The following COL16A1 variants were observed in gnomAD, a reference collection of about 807,000 sequenced individuals.
The protein encoded by COL16A1 is collagen type XVI alpha 1 chain, also known as collagen alpha-1(XVI) chain.
COL16A1 carries 189 observed loss-of-function variants against 266.3 expected under a neutral mutation model. That is an observed-to-expected ratio of 0.71 (90% CI 0.63 to 0.80). The LOEUF is 0.80. COL16A1 is among the 30% of genes least tolerant of loss of function. The probability of loss-of-function intolerance (pLI) is 0.00; values close to 1 mark genes in which losing one functional copy is unlikely to be tolerated. For synonymous variants in COL16A1, 740 were observed against 782.3 expected (o/e 0.95, Z 0.90); for missense variants, 1,928 against 2,122.4 (o/e 0.91, Z 1.80).
chr1:31,701,794 G>A (rs1644733519), intron 2 of COL16A1, among the ~76,000 whole-genome samples: 1 of 152,182 alleles, frequency 6.6e-6, no homozygotes, highest in African/African-American at 2.4e-5. Flanking sequence ...TGTGTCCACA[G>A]GATTGGCTTA....
rs372412946 is a variant in COL16A1, at chr1:31,683,261, C to G, written c.2416-14G>C. On this transcript the variant is annotated splice_polypyrimidine_tract_variant and intron_variant, in intron 35 of 70. Coordinates refer to ENST00000373672, the MANE Select transcript of COL16A1 (RefSeq NM_001856.4). ...TCCCGGAAGTCCCTGCAGATGGAAG[C>G]ACAGTTAGTTAACCCATATCCTAGA... 12 of 1,614,078 alleles carry G rather than the reference C, an allele frequency of 7.4e-6. No homozygotes were observed. The African/African-American group carries it at 1.6e-4, about 22-fold the overall frequency.
At chr1:31,684,655 A>C (rs1643882797) in intron 30 of COL16A1, 25 bp from the exon 31 acceptor site, 1 of 1,611,620 alleles carries the variant, frequency 6.2e-7, no homozygotes, top group Non-Finnish European at 8.5e-7. Context: ...GTTCAAGGAA[A>C]GCAAGGATGG....
intron 11 of COL16A1, 41 bp downstream of exon 11, chr1:31,695,145 G>GCTCTT: frequency 1.9e-6 from 3 of 1,610,812 alleles, no homozygotes; most frequent in South Asian, 2.2e-5. Context: ...TCCACTCCCG[G>GCTCTT]CTCTTGCCCG....
At chr1:31,658,153 G>T (rs186720083) in intron 64 of COL16A1, among the ~76,000 whole-genome samples, 1 of 152,338 alleles carries the variant, frequency 6.6e-6, no homozygotes, top group Non-Finnish European at 1.5e-5. Flanking sequence ...TGCATTTCTG[G>T]TTCCTGACAT....
chr1:31,676,054 G>T (rs1643151722), intron 42 of COL16A1, among the ~76,000 whole-genome samples: 1 of 152,168 alleles, frequency 6.6e-6, no homozygotes, highest in Non-Finnish European at 1.5e-5. Flanking sequence ...GCTGGGCACG[G>T]TCACTCACAC....
chr1:31,687,211 G>C (rs530609417), intron 26 of COL16A1, among the ~76,000 whole-genome samples: 1 of 151,932 alleles, frequency 6.6e-6, no homozygotes, highest in Admixed American at 6.6e-5. Context: ...GCAAAACCCC[G>C]TCTCTACTAA....
rs762860310 is a variant in COL16A1 at position 31,656,388 on chromosome 1, G to T, written c.4101+12C>A. ...GAGCTTCTCCTCTCAAGCCCAGCCAGTGCCCACTCACCTTGGGACCAGGAG... is the reference window on the plus strand; with the variant it reads ...GAGCTTCTCCTCTCAAGCCCAGCCATTGCCCACTCACCTTGGGACCAGGAG... On this transcript the variant is annotated intron_variant, in intron 66 of 70. Coordinates refer to ENST00000373672, the MANE Select transcript of COL16A1 (RefSeq NM_001856.4). This position sits in a 1 kb window ranked among gnomAD's most constrained non-coding sequence, Gnocchi z 4.2. 6.2e-7 allele frequency: 1 copy of T among 1,613,144 alleles called. No homozygotes were observed. The highest frequency in any genetic ancestry group is 8.5e-7 in the Non-Finnish European group (1 of 1,179,648).
At chr1:31,653,026 T>C (rs1482671436) in intron 70 of COL16A1, among the ~76,000 whole-genome samples, 173 bp from the exon 71 acceptor site, 1 of 152,280 alleles carries the variant, frequency 6.6e-6, no homozygotes, top group Non-Finnish European at 1.5e-5. Flanking sequence ...ACAATACTGC[T>C]GGCAAGTTTT....
At chr1:31,703,674 G>A (rs1018071952) in intron 1 of COL16A1, among the ~76,000 whole-genome samples, 163 bp downstream of exon 1, 1 of 152,236 alleles carries the variant, frequency 6.6e-6, no homozygotes, top group Non-Finnish European at 1.5e-5. Context: ...AGATTTGGGC[G>A]CAGGGAGTCA....
rs7515825 is a variant in COL16A1, at chr1:31,693,573, G to A, written c.1009-419C>T. On this transcript the variant is annotated intron_variant, in intron 12 of 70. Transcript: ENST00000373672. ...TAGCATGTCACTCAGAGCAGGTCATGTCGCCTTTCTGAGCCTCAGTTTCTT... is the reference window on the plus strand; with the variant it reads ...TAGCATGTCACTCAGAGCAGGTCATATCGCCTTTCTGAGCCTCAGTTTCTT... 4.9e-3 allele frequency among the ~76,000 whole-genome samples: 752 copies of A among 152,266 alleles called. 6 individuals carry two copies. The highest frequency in any genetic ancestry group is 0.017 in the African/African-American group (700 of 41,530).
At position 31,682,969 on chromosome 1, in the gene COL16A1, C is replaced by T. The variant is rs771923747; in HGVS notation, c.2503G>A (p.Val835Met). The change falls in exon 37 of 71, where the codon GTG (valine) becomes ATG (methionine). Residue 835 changes from valine (V) to methionine (M), a missense_variant. Val to Met is a conservative substitution (Grantham distance 21). Transcript: ENST00000373672. ...SPGVKGATGP[V>M]GPPGASVSGP... is the part of the protein sequence containing the mutation. ...GAGACACTGGCCCCAGGAGGTCCCA[C>T]AGGTCCGGTGGCTCCTTTCACCCCT... 8.7e-6 allele frequency: 14 copies of T among 1,614,014 alleles called. No homozygotes were observed. The highest frequency in any genetic ancestry group is 3.3e-5 in the Admixed American group (2 of 60,012).
Position 31,696,442 on chromosome 1 carries a change from AG to A in COL16A1, c.865-302del, listed in dbSNP as rs545633451. On this transcript the variant is annotated intron_variant, in intron 8 of 70. Coordinates refer to ENST00000373672, the MANE Select transcript of COL16A1 (RefSeq NM_001856.4). ...GAGCGGGCAGGGAGAGTGCCCAGCC[AG>A]GGGGTGGGGCTAAAGGAGGAACCAG... 6.3e-4 allele frequency among the ~76,000 whole-genome samples: 96 copies of A among 151,888 alleles called. 1 individual carries two copies. The East Asian group carries it at 0.012, about 19-fold the overall frequency.
chr1:31,671,568 C>T, intron 48 of COL16A1, 47 bp downstream of exon 48: 2 of 1,612,786 alleles, frequency 1.2e-6, no homozygotes, highest in Non-Finnish European at 1.7e-6. Context: ...AGTGTAATGA[C>T]CCCTTTGAGA....
At position 31,693,156 on chromosome 1, in the gene COL16A1, T is replaced by A; in HGVS notation, c.1009-2A>T. Reference sequence around the variant, plus strand: ...CAGGCCCCGCTCACCTTTCCCTCCCTGAGAGTGAAACCAGAATGGAAGATA... The same window carrying A: ...CAGGCCCCGCTCACCTTTCCCTCCCAGAGAGTGAAACCAGAATGGAAGATA... On this transcript the variant is annotated splice_acceptor_variant, in intron 12 of 70. Coordinates refer to ENST00000373672, the MANE Select transcript of COL16A1 (RefSeq NM_001856.4). LOFTEE classifies it high-confidence loss of function. 1 of 1,602,018 alleles carries A rather than the reference T, an allele frequency of 6.2e-7. No homozygotes were observed.
At chr1:31,701,911 C>A (rs182806341) in intron 2 of COL16A1, among the ~76,000 whole-genome samples, 1 of 152,194 alleles carries the variant, frequency 6.6e-6, no homozygotes, top group African/African-American at 2.4e-5. Flanking sequence ...GAGACATAAA[C>A]GTACGAAGAC....
Position 31,667,576 on chromosome 1 carries a change from G to T in COL16A1, c.3356C>A (p.Pro1119Gln), listed in dbSNP as rs200677062. 1.9e-6 allele frequency: 3 copies of T among 1,596,334 alleles called. No homozygotes were observed. The highest frequency in any genetic ancestry group is 2.7e-5 in the African/African-American group (2 of 74,690). The stretch of plus-strand genomic sequence containing the variant: ...CAGCCCCACGCCGCTGGGACTCACC[G>T]GCTCTCCTTTCTCTCCCGCTGACCC... ...YTGSAGEKGE[P>Q]GPPGSEGLPG... Residue 1119 changes from proline to glutamine, a missense_variant and splice_region_variant, in exon 52 of 71, where the codon CCG becomes CAG. Physicochemically the swap from Pro to Gln is moderately conservative, Grantham distance 76 (BLOSUM62 -1). Coordinates refer to ENST00000373672, the MANE Select transcript of COL16A1 (RefSeq NM_001856.4).
rs768622115 is a variant in COL16A1, at chr1:31,653,871, T to C, written c.4530A>G (p.Val1510=). The C allele has an allele frequency of 4.3e-6, 7 of 1,610,614 alleles. No homozygotes were observed. The highest frequency in any genetic ancestry group is 2.5e-6 in the Non-Finnish European group (3 of 1,177,828). The change falls in exon 69 of 71, where the codon GTA becomes GTG. Residue 1510 remains valine (V), a synonymous_variant. Coordinates refer to ENST00000373672, the MANE Select transcript of COL16A1 (RefSeq NM_001856.4). ...GREGRQGLPG[V]RGLPGTKGEK... Reference sequence around the variant, plus strand: ...GGAACTGTAGGGCAGAGCTACCTCTTACTCCTGGCAAGCCCTGCCGTCCTT... The same window carrying C: ...GGAACTGTAGGGCAGAGCTACCTCTCACTCCTGGCAAGCCCTGCCGTCCTT...
In COL16A1 at chr1:31,663,080, G is replaced by A. The variant is rs560705686; in HGVS notation, c.3556-422C>T. On this transcript the variant is annotated intron_variant, in intron 56 of 70. Transcript: ENST00000373672. The surrounding 1 kb of genome is among the most constrained non-coding windows in gnomAD (Gnocchi z 4.9). ...CCCCCATCCCAGCAGACATGGGCCC[G>A]GGCTGCACAGAGGCCTCAACAGCGC... The A allele has an allele frequency of 2.4e-5, 6 of 245,512 alleles. No individual in the cohort carries two copies. The highest frequency in any genetic ancestry group is 5.1e-5 in the Admixed American group (1 of 19,494). The allele number at this position is 245,512 out of a possible 1,614,324, so 15.2% of individuals were successfully genotyped here. A position where few individuals can be genotyped will look rare whatever the true frequency, so the allele number is the denominator to read the frequency against.
intron 44 of COL16A1, chr1:31,673,191 G>A (rs1020041157): frequency 1.6e-5 from 6 of 366,274 alleles, no homozygotes; most frequent in Non-Finnish European, 2.1e-5. Context: ...CACGAGGAGT[G>A]AGGCTGGAAA....
Sources: gnomAD v4.1 joint callset for allele counts (sites outside exome capture counted in the v4.1 genomes callset) on GRCh38, gnomAD v4.1.1 for gene constraint, Gnocchi (gnomAD v3.1) non-coding constraint, MANE v1.5 for transcripts, NCBI Gene and HGNC (gene_info 2026-07-23, HGNC 2026-07-21) for gene names.